The following PRDM10 variants were observed in gnomAD, a reference collection of about 807,000 sequenced individuals.
PRDM10 encodes the protein PR/SET domain 10, also known as PR domain zinc finger protein 10.
In PRDM10, 65 loss-of-function variants were observed where a neutral mutation model predicts 133.1. The observed-to-expected ratio is 0.49, with a 90% CI of 0.40 to 0.60. The LOEUF is 0.60. PRDM10 is among the 20% of genes least tolerant of loss of function. PRDM10 has a pLI of 0.00. For synonymous variants in PRDM10, 582 were observed against 580.4 expected (o/e 1.00, Z -0.04); for missense variants, 1,137 against 1,507.1 (o/e 0.75, Z 4.07).
chr11:129,994,606 C>G (rs1284777257), intron 1 of PRDM10, among the ~76,000 whole-genome samples: 1 of 151,962 alleles, frequency 6.6e-6, no homozygotes, highest in Non-Finnish European at 1.5e-5. Flanking sequence ...GACACTGTCT[C>G]TAAAAAAATT....
chr11:129,910,613 T>G lies in PRDM10; in HGVS notation c.3026A>C (p.Gln1009Pro), dbSNP rs367621505. Residue 1009 changes from glutamine (Q) to proline (P), a missense_variant, in exon 19 of 21, where the codon CAG (glutamine) becomes CCG (proline). Gln to Pro is a moderately conservative substitution (Grantham distance 76, BLOSUM62 -1). Coordinates refer to ENST00000360871, the MANE Select transcript of PRDM10 (RefSeq NM_199437.2). Reference sequence around the variant, plus strand: ...CTGGATGTGGGAGGGGCTGAGCCCCTGCTGAGCCTGCTGGGCTGAGGGACT... The same window carrying G: ...CTGGATGTGGGAGGGGCTGAGCCCCGGCTGAGCCTGCTGGGCTGAGGGACT... ...PLSPSAQQAQQGLSPSHIQGS... is the reference protein window; with the variant it reads ...PLSPSAQQAQPGLSPSHIQGS... 5 of 1,609,738 alleles carry G rather than the reference T, an allele frequency of 3.1e-6. No individual in the cohort carries two copies. In the African/African-American group the frequency reaches 6.7e-5, roughly 22 times the overall value.
intron 13 of PRDM10, among the ~76,000 whole-genome samples, chr11:129,920,695 C>T (rs11221901): frequency 0.3 from 45,346 of 151,352 alleles, 6,850 homozygotes; most frequent in Middle Eastern, 0.33. Context: ...CCTCACTCCT[C>T]ACCTCTCCCT....
chr11:129,915,260 C>G (rs951272188), intron 16 of PRDM10, among the ~76,000 whole-genome samples: 1 of 151,410 alleles, frequency 6.6e-6, no homozygotes, highest in Non-Finnish European at 1.5e-5. Context: ...CTCAATACCC[C>G]CCCCAAATAG....
intron 3 of PRDM10, among the ~76,000 whole-genome samples, 167 bp downstream of exon 3, chr11:129,957,579 A>G (rs1253057721): frequency 6.6e-6 from 1 of 152,180 alleles, no homozygotes; most frequent in East Asian, 1.9e-4. Context: ...GGCCTCCCAA[A>G]GTGCTGGGAT....
chr11:129,977,052 G>A (rs1022839070), intron 1 of PRDM10, among the ~76,000 whole-genome samples: 7 of 151,874 alleles, frequency 4.6e-5, no homozygotes, highest in Non-Finnish European at 1.0e-4. Context: ...CCCCCACCAC[G>A]TGACACAGCC....
At chr11:129,953,579 G>A (rs1951633318) in intron 4 of PRDM10, among the ~76,000 whole-genome samples, 1 of 152,048 alleles carries the variant, frequency 6.6e-6, no homozygotes, top group African/African-American at 2.4e-5. Context: ...CAGGTGCCTG[G>A]CCAGAAAACA....
chr11:129,925,764 C>T (rs573448076), intron 11 of PRDM10, among the ~76,000 whole-genome samples: 1 of 152,110 alleles, frequency 6.6e-6, no homozygotes, highest in African/African-American at 2.4e-5. Context: ...TCCTTGCCAG[C>T]GGCAGGATGG....
In PRDM10 at chr11:129,914,724, G is replaced by A; in HGVS notation, c.2821C>T (p.Gln941Ter). ...AGTACCGAGGCCACTTGAACCACTT[G>A]CAGCTGTATGTGCTGAGGCTGCTGG... ...GLQQPQHIQL[Q>*]VVQVASATSP... The change falls in exon 17 of 21, where the codon CAA becomes TAA. Residue 941 changes from glutamine to a stop codon, truncating the protein, a stop_gained. Transcript: ENST00000360871. LOFTEE classifies it high-confidence loss of function. 6.2e-7 allele frequency: 1 copy of A among 1,614,250 alleles called. No individual in the cohort carries two copies. Among genetic ancestry groups the A allele is most frequent in the Non-Finnish European group, 8.5e-7 (1 of 1,180,042 alleles).
At chr11:129,970,165 A>G (rs1054664736) in intron 1 of PRDM10, among the ~76,000 whole-genome samples, 7 of 152,254 alleles carry the variant, frequency 4.6e-5, no homozygotes, top group African/African-American at 1.4e-4. Context: ...TTATAATAGC[A>G]TTTGTTATGA....
intron 10 of PRDM10, among the ~76,000 whole-genome samples, chr11:129,931,790 G>A (rs902382066): frequency 6.6e-6 from 1 of 151,842 alleles, no homozygotes. Context: ...GGATGGTCTC[G>A]ATCTCCTGAC....
intron 1 of PRDM10, among the ~76,000 whole-genome samples, chr11:129,998,660 A>G (rs1178813786): frequency 6.6e-6 from 1 of 152,142 alleles, no homozygotes; most frequent in African/African-American, 2.4e-5. Context: ...AACTATTTCA[A>G]GTTACAGAAG....
intron 1 of PRDM10, among the ~76,000 whole-genome samples, chr11:129,984,165 C>T (rs1938272261): frequency 6.6e-6 from 1 of 152,212 alleles, no homozygotes; most frequent in Admixed American, 6.5e-5. Context: ...GGTATTCCCT[C>T]AGCTCCCACA....
chr11:129,981,770 C>A (rs1179556626), intron 1 of PRDM10, among the ~76,000 whole-genome samples: 2 of 151,944 alleles, frequency 1.3e-5, no homozygotes, highest in Admixed American at 1.3e-4. Flanking sequence ...GTGGCGGGCA[C>A]CTGTAATCCC....
intron 7 of PRDM10, among the ~76,000 whole-genome samples, chr11:129,941,544 TCA>T (rs1322780509): frequency 6.6e-6 from 1 of 152,224 alleles, no homozygotes; most frequent in Non-Finnish European, 1.5e-5. Context: ...AATCACTCCG[TCA>T]CAGATATACA....
At chr11:129,987,306 T>C (rs1488349240) in intron 1 of PRDM10, among the ~76,000 whole-genome samples, 1 of 152,220 alleles carries the variant, frequency 6.6e-6, no homozygotes, top group Non-Finnish European at 1.5e-5. Context: ...GATACTCTGG[T>C]TTCTATTATG....
chr11:129,995,118 G>C (rs1235728560), intron 1 of PRDM10, among the ~76,000 whole-genome samples: 1 of 152,154 alleles, frequency 6.6e-6, no homozygotes, highest in African/African-American at 2.4e-5. Flanking sequence ...ACATAAAGTG[G>C]TGTCCAAATA....
intron 2 of PRDM10, among the ~76,000 whole-genome samples, chr11:129,959,893 T>C (rs1314512432): frequency 1.3e-5 from 2 of 151,736 alleles, no homozygotes; most frequent in African/African-American, 4.8e-5. Context: ...CGCACCACTA[T>C]AGGCATGCAC....
intron 15 of PRDM10, 21 bp from the exon 16 acceptor site, chr11:129,915,881 C>G: frequency 6.2e-7 from 1 of 1,607,416 alleles, no homozygotes; most frequent in South Asian, 1.1e-5. Flanking sequence ...AAGCGCCTTG[C>G]CATGAAAGCA....
intron 1 of PRDM10, among the ~76,000 whole-genome samples, chr11:130,001,567 G>A (rs1296815835): frequency 1.3e-5 from 2 of 152,166 alleles, no homozygotes; most frequent in Admixed American, 6.5e-5. Flanking sequence ...CTCTCCTTGT[G>A]CTTAAGTGTA....
Sources: allele counts gnomAD v4.1 joint callset (sites outside exome capture counted in the v4.1 genomes callset), GRCh38; gene constraint gnomAD v4.1.1; transcripts MANE v1.5; gene names NCBI Gene and HGNC (gene_info 2026-07-23, HGNC 2026-07-21).